Variants in SPTLC1 observed in about 807,000 individuals in gnomAD.
The protein encoded by SPTLC1 is serine palmitoyltransferase long chain base subunit 1, also known as serine palmitoyltransferase 1.
In SPTLC1, 55 loss-of-function variants were observed where a neutral mutation model predicts 68.9. That is an observed-to-expected ratio of 0.80 (90% CI 0.64 to 1.00). The LOEUF is 1.00. SPTLC1 is among the 50% of genes least tolerant of loss of function. SPTLC1 has a pLI of 0.00. For synonymous variants in SPTLC1, 197 were observed against 201.6 expected (o/e 0.98, Z 0.19); for missense variants, 449 against 573.1 (o/e 0.78, Z 2.21).
chr9:92,087,424 G>A (rs1835187846), intron 3 of SPTLC1, among the ~76,000 whole-genome samples: 1 of 152,286 alleles, frequency 6.6e-6, no homozygotes, highest in South Asian at 2.1e-4. Context: ...GGTTTTTGGT[G>A]TGCATGTCCT....
Position 92,115,404 on chromosome 9 carries a change from A to C in SPTLC1, c.-34T>G. 6.2e-7 allele frequency: 1 copy of C among 1,610,110 alleles called. No homozygotes were observed. Among genetic ancestry groups the C allele is most frequent in the Non-Finnish European group, 8.5e-7 (1 of 1,177,224 alleles). ...GCTTCCTTCCGGAAGGCGGGTCACA[A>C]GCGCGTCCCAAAAGTGCGCGTCGCT... On this transcript the variant is annotated 5_prime_UTR_variant, in exon 1 of 15. Transcript: ENST00000262554.
At chr9:92,045,336 C>T (rs910267778) in intron 12 of SPTLC1, among the ~76,000 whole-genome samples, 1 of 150,738 alleles carries the variant, frequency 6.6e-6, no homozygotes, top group Non-Finnish European at 1.5e-5. Context: ...CTGGAGATAT[C>T]ACCAACCTCC....
At chr9:92,097,005 C>G (rs890151896) in intron 3 of SPTLC1, among the ~76,000 whole-genome samples, 9 of 152,116 alleles carry the variant, frequency 5.9e-5, no homozygotes, top group African/African-American at 2.2e-4. Flanking sequence ...TTGAAAACAG[C>G]TAAGTGATTA....
chr9:92,094,731 A>G (rs976609348), intron 3 of SPTLC1, among the ~76,000 whole-genome samples: 5 of 152,364 alleles, frequency 3.3e-5, no homozygotes, highest in African/African-American at 1.2e-4. Flanking sequence ...CAAAGGCAAC[A>G]GGAAGTCTGA....
intron 8 of SPTLC1, among the ~76,000 whole-genome samples, chr9:92,052,450 G>A (rs961967718): frequency 6.6e-6 from 1 of 151,936 alleles, no homozygotes; most frequent in African/African-American, 2.4e-5. Context: ...AGACCTAAAT[G>A]TAAGACTGAA....
intron 11 of SPTLC1, 161 bp from the exon 12 acceptor site, chr9:92,046,214 C>A: frequency 1.5e-6 from 1 of 684,026 alleles, no homozygotes; most frequent in Non-Finnish European, 2.5e-6. Context: ...AAGGCCCAAG[C>A]TTTGTCTCTG....
intron 5 of SPTLC1, among the ~76,000 whole-genome samples, chr9:92,069,299 T>G (rs1374010328): frequency 6.6e-6 from 1 of 152,200 alleles, no homozygotes; most frequent in African/African-American, 2.4e-5. Context: ...TCCTATCAAA[T>G]AGTGATAAAA....
At chr9:92,099,860 G>C (rs1372540732) in intron 3 of SPTLC1, among the ~76,000 whole-genome samples, 2 of 152,124 alleles carry the variant, frequency 1.3e-5, no homozygotes, top group Non-Finnish European at 2.9e-5. Context: ...GTATTCAGTA[G>C]AGTAACATGC....
At chr9:92,104,418 C>T (rs534248825) in intron 3 of SPTLC1, 8 of 1,381,636 alleles carry the variant, frequency 5.8e-6, no homozygotes, top group Middle Eastern at 3.9e-4. Context: ...GGTGGGATGG[C>T]GCCCCTGTGA....
In SPTLC1 at chr9:92,059,212, T is replaced by C; in HGVS notation, c.657A>G (p.Arg219=). ...CTTCGATCTCTTGTTCTTTTAGTAG[T>C]CGCTCGAGGTCAGCCATGTCATTAT... ...FKHNDMADLE[R]LLKEQEIEDQ... Residue 219 remains arginine, a synonymous_variant, in exon 7 of 15, where the codon CGA becomes CGG. Transcript: ENST00000262554. The C allele has an allele frequency of 6.2e-7, 1 of 1,614,002 alleles. No homozygotes were observed. Among genetic ancestry groups the C allele is most frequent in the Non-Finnish European group, 8.5e-7 (1 of 1,179,954 alleles).
intron 12 of SPTLC1, among the ~76,000 whole-genome samples, chr9:92,040,484 C>T (rs117311719): frequency 0.016 from 2,466 of 152,026 alleles, 58 homozygotes; most frequent in South Asian, 0.08. Flanking sequence ...AAATACAAGG[C>T]GCGATGGCTC....
chr9:92,036,025 C>G (rs1398951122), intron 13 of SPTLC1, among the ~76,000 whole-genome samples: 1 of 152,224 alleles, frequency 6.6e-6, no homozygotes, highest in African/African-American at 2.4e-5. Context: ...AGAGTTACAG[C>G]AGCATGGTTC....
At chr9:92,058,866 G>C (rs1470783619) in intron 7 of SPTLC1, among the ~76,000 whole-genome samples, 1 of 152,112 alleles carries the variant, frequency 6.6e-6, no homozygotes, top group Non-Finnish European at 1.5e-5. Context: ...GTAAGTTTTG[G>C]TGTCATTATG....
chr9:92,033,309 G>T (rs1431859985), intron 14 of SPTLC1, among the ~76,000 whole-genome samples: 1 of 152,236 alleles, frequency 6.6e-6, no homozygotes, highest in Non-Finnish European at 1.5e-5. Context: ...CAATGTGAAA[G>T]CTCTGTAATA....
intron 3 of SPTLC1, among the ~76,000 whole-genome samples, chr9:92,092,432 G>A (rs1294060985): frequency 2.6e-5 from 4 of 152,138 alleles, no homozygotes; most frequent in African/African-American, 9.7e-5. Context: ...ACACACATTA[G>A]AAGTATAGCC....
rs149591870 is a variant in SPTLC1 at position 92,107,527 on chromosome 9, C to T, written c.260+1213G>A. Among the ~76,000 whole-genome samples, 327 of 152,306 alleles carry T rather than the reference C, an allele frequency of 2.1e-3. 2 individuals carry two copies. The highest frequency in any genetic ancestry group is 4.2e-3 in the Admixed American group (65 of 15,300). On this transcript the variant is annotated intron_variant, in intron 3 of 14. Coordinates refer to ENST00000262554, the MANE Select transcript of SPTLC1 (RefSeq NM_006415.4). ...CAGCACTTTGGGAGGCCGAGGCCGG[C>T]GGATCACAAAGTCAGGAAATCGAGA...
intron 6 of SPTLC1, among the ~76,000 whole-genome samples, chr9:92,061,007 T>TG (rs917718878): frequency 6.6e-6 from 1 of 151,232 alleles, no homozygotes; most frequent in African/African-American, 2.4e-5. Context: ...CAGGGACCCA[T>TG]GGGATTATAA....
chr9:92,052,006 A>C (rs1284223128), intron 8 of SPTLC1, among the ~76,000 whole-genome samples: 1 of 152,238 alleles, frequency 6.6e-6, no homozygotes, highest in Non-Finnish European at 1.5e-5. Context: ...AATATCATTA[A>C]GATGGTAATA....
At chr9:92,079,320 C>A in intron 5 of SPTLC1, 1 of 1,207,516 alleles carries the variant, frequency 8.3e-7, no homozygotes, top group Non-Finnish European at 1.1e-6. Flanking sequence ...AGGTGATCTG[C>A]CTGCCTCAGC....
Sources: allele counts gnomAD v4.1 joint callset (sites outside exome capture counted in the v4.1 genomes callset), GRCh38; gene constraint gnomAD v4.1.1; transcripts MANE v1.5; gene names NCBI Gene and HGNC (gene_info 2026-07-23, HGNC 2026-07-21).